The following DOP1A variants were observed in gnomAD, a reference collection of about 807,000 sequenced individuals.
The protein encoded by DOP1A is protein DOP1A.
In DOP1A, 90 loss-of-function variants were observed where a neutral mutation model predicts 267.6. The observed-to-expected ratio is 0.34, with a 90% CI of 0.28 to 0.40. DOP1A has a LOEUF of 0.40. DOP1A is among the 10% of genes least tolerant of loss of function. The pLI is 1.00. For missense variants in DOP1A, 2,437 were observed against 2,900.4 expected (o/e 0.84, Z 3.67); for synonymous variants, 932 against 999.1 (o/e 0.93, Z 1.27).
intron 1 of DOP1A, among the ~76,000 whole-genome samples, chr6:83,092,775 T>A (rs1770703119): frequency 6.6e-6 from 1 of 152,066 alleles, no homozygotes; most frequent in Non-Finnish European, 1.5e-5. Context: ...ACCACAACAG[T>A]CAGTCTATAA....
intron 1 of DOP1A, among the ~76,000 whole-genome samples, chr6:83,091,682 T>C (rs889222254): frequency 2.0e-5 from 3 of 152,186 alleles, no homozygotes; most frequent in African/African-American, 7.2e-5. Flanking sequence ...TGACCCCTAT[T>C]TTCATTAATA....
intron 26 of DOP1A, 97 bp from the exon 27 acceptor site, chr6:83,148,659 TTTG>T (rs1316645586): frequency 1.9e-5 from 14 of 718,172 alleles, no homozygotes; most frequent in Middle Eastern, 3.0e-4. Context: ...TTTTAGGAAT[TTTG>T]TTCTATCATT....
At chr6:83,091,705 A>G (rs972848887) in intron 1 of DOP1A, among the ~76,000 whole-genome samples, 15 of 152,174 alleles carry the variant, frequency 9.9e-5, no homozygotes, top group African/African-American at 3.4e-4. Flanking sequence ...AATTACTACT[A>G]AATTGCTTGG....
intron 35 of DOP1A, among the ~76,000 whole-genome samples, chr6:83,158,294 C>G (rs1178259972): frequency 2.0e-5 from 3 of 152,164 alleles, no homozygotes; most frequent in African/African-American, 4.8e-5. Flanking sequence ...AGCCACCACA[C>G]CAGACCTATT....
In DOP1A at chr6:83,132,258, T is replaced by TA; in HGVS notation, c.2700dup (p.His901ThrfsTer2). The TA allele has an allele frequency of 6.2e-7, 1 of 1,613,878 alleles. No individual in the cohort carries two copies. The highest frequency in any genetic ancestry group is 8.5e-7 in the Non-Finnish European group (1 of 1,179,842). ...AAGAGTGTGGAACTATTTTATCAAT[T>TA]ACATAACTTAGTTCCTTCTTCTAGC... On this transcript the variant is annotated frameshift_variant, in exon 18 of 39. Coordinates refer to ENST00000349129, the MANE Select transcript of DOP1A (RefSeq NM_015018.4). LOFTEE classifies it high-confidence loss of function.
Position 83,130,189 on chromosome 6 carries a change from A to G in DOP1A, c.2408A>G (p.Asp803Gly), listed in dbSNP as rs1175629247. The change falls in exon 17 of 39, where the codon GAT (aspartate) becomes GGT (glycine). Residue 803 changes from aspartate to glycine, a missense_variant. Coordinates refer to ENST00000349129, the MANE Select transcript of DOP1A (RefSeq NM_015018.4). ...ATGAATGCTTGCAGCCAAGCAAGTG[A>G]TTTCAGTGTTCAGAGTGTTGCTATT... ...TLMNACSQAS[D>G]FSVQSVAISL... is the part of the protein sequence containing the mutation. The G allele has an allele frequency of 2.5e-6, 4 of 1,614,070 alleles. No individual in the cohort carries two copies. Among genetic ancestry groups the G allele is most frequent in the Non-Finnish European group, 2.5e-6 (3 of 1,179,988 alleles).
At chr6:83,133,543 G>A (rs1177795493) in intron 18 of DOP1A, among the ~76,000 whole-genome samples, 1 of 152,034 alleles carries the variant, frequency 6.6e-6, no homozygotes, top group East Asian at 1.9e-4. Flanking sequence ...AATTTTGATA[G>A]TGTGACAATT....
At chr6:83,069,107 G>A (rs1233755169) in intron 1 of DOP1A, among the ~76,000 whole-genome samples, 1 of 152,200 alleles carries the variant, frequency 6.6e-6, no homozygotes, top group Non-Finnish European at 1.5e-5. Flanking sequence ...CTCTGGCCTG[G>A]GAATGAAGAG....
At chr6:83,170,644 C>G (rs187976111), downstream of DOP1A, 22 of 603,310 alleles carry the variant, frequency 3.6e-5, no homozygotes, top group East Asian at 5.9e-4. Flanking sequence ...CAACTTTTCT[C>G]TTTTTCTTCA....
downstream of DOP1A, chr6:83,169,013 TAGTG>T (rs1320596385): frequency 6.1e-5 from 82 of 1,343,504 alleles, no homozygotes; most frequent in Non-Finnish European, 7.6e-5. Context: ...TATTTTACAT[TAGTG>T]AGACTGAAAT....
rs561635309 is a variant in DOP1A, at chr6:83,153,745, T to TA, written c.6239+132dup. 2.6e-4 allele frequency: 304 copies of TA among 1,173,314 alleles called. 1 individual carries two copies. The Middle Eastern group carries it at 3.9e-3, about 15-fold the overall frequency. 72.7% of individuals were successfully genotyped at this position (1,173,314 alleles called of 1,614,324 possible). ...ATTTTTACCTTGAATTATAATTGTT[T>TA]AAAAAAATTCATATATTATTTTTCT... On this transcript the variant is annotated intron_variant, in intron 31 of 38. Coordinates refer to ENST00000349129, the MANE Select transcript of DOP1A (RefSeq NM_015018.4).
At chr6:83,070,267 T>G (rs908534802) in intron 1 of DOP1A, among the ~76,000 whole-genome samples, 1 of 152,202 alleles carries the variant, frequency 6.6e-6, no homozygotes, top group African/African-American at 2.4e-5. Context: ...GCTAATATTT[T>G]TTGTGTAATA....
intron 7 of DOP1A, 120 bp downstream of exon 7, chr6:83,113,541 T>C (rs1774915655): frequency 1.4e-6 from 1 of 713,156 alleles, no homozygotes; most frequent in Admixed American, 2.6e-5. Context: ...AGTAAGCGCA[T>C]GGAAAATAAG....
Position 83,122,909 on chromosome 6 carries a change from AACCT to A in DOP1A, c.1268_1271del (p.Asn423IlefsTer29). The A allele has an allele frequency of 6.4e-7, 1 of 1,570,596 alleles. No individual in the cohort carries two copies. The highest frequency in any genetic ancestry group is 1.9e-5 in the Admixed American group (1 of 52,218). On this transcript the variant is annotated frameshift_variant, in exon 12 of 39. Transcript: ENST00000349129. LOFTEE classifies it high-confidence loss of function. ...AACAGCAGAGCTGATTAAAACTGCT[AACCT>A]TCTCTTTAATTCCTTCGAACCTTAT...
At chr6:83,105,120 A>G (rs1773351072) in intron 4 of DOP1A, among the ~76,000 whole-genome samples, 1 of 152,002 alleles carries the variant, frequency 6.6e-6, no homozygotes, top group Non-Finnish European at 1.5e-5. Context: ...ATATATACAT[A>G]TATACTCTCC....
intron 12 of DOP1A, among the ~76,000 whole-genome samples, chr6:83,124,410 G>A (rs1245679306): frequency 6.6e-6 from 1 of 152,086 alleles, no homozygotes; most frequent in African/African-American, 2.4e-5. Context: ...TGTTAACTAG[G>A]AGGTGATATC....
intron 1 of DOP1A, among the ~76,000 whole-genome samples, chr6:83,091,151 T>A (rs1235412991): frequency 6.7e-6 from 1 of 150,370 alleles, no homozygotes; most frequent in Non-Finnish European, 1.5e-5. Context: ...TCCCTTATAA[T>A]ACCATCAGAT....
At position 83,113,239 on chromosome 6, in the gene DOP1A, G is replaced by A. The variant is rs995256099; in HGVS notation, c.682-84G>A. ...ATTAGATCCTCAGAAGCATACTTTC[G>A]AGAAAATAAAGAGTTGTCACATTTT... On this transcript the variant is annotated intron_variant, in intron 6 of 38. Transcript: ENST00000349129. 55 of 966,082 alleles carry A rather than the reference G, an allele frequency of 5.7e-5. 1 individual carries two copies. The highest frequency in any genetic ancestry group is 8.2e-5 in the South Asian group (5 of 60,656). 59.8% of individuals were successfully genotyped at this position (966,082 alleles called of 1,614,324 possible).
At chr6:83,128,036 G>A (rs546758447) in intron 15 of DOP1A, among the ~76,000 whole-genome samples, 52 of 152,174 alleles carry the variant, frequency 3.4e-4, no homozygotes, top group Admixed American at 1.8e-3. Context: ...GAGGGGTGAC[G>A]AAGGTACCAA....
Sources: gnomAD v4.1 joint callset for allele counts (sites outside exome capture counted in the v4.1 genomes callset) on GRCh38, gnomAD v4.1.1 for gene constraint, MANE v1.5 for transcripts, NCBI Gene and HGNC (gene_info 2026-07-23, HGNC 2026-07-21) for gene names.